Variants in SYNPR observed in about 807,000 individuals in gnomAD.
SYNPR encodes the protein synaptoporin.
SYNPR carries 23 observed loss-of-function variants against 32.9 expected under a neutral mutation model. The ratio of observed to expected loss-of-function variants is 0.70; its 90% CI spans 0.50 to 0.99. The LOEUF (loss-of-function observed/expected upper bound fraction) is 0.99. Among genes scored for constraint, SYNPR ranks in the 50% least tolerant of loss-of-function variants. The probability of loss-of-function intolerance (pLI) is 0.00; values close to 1 mark genes in which losing one functional copy is unlikely to be tolerated. For synonymous variants in SYNPR, 146 were observed against 135.9 expected, an observed-to-expected ratio of 1.07 and a Z score of -0.52; for missense variants, 318 against 349.3, an observed-to-expected ratio of 0.91 and a Z score of 0.71.
intron 2 of SYNPR, among the ~76,000 whole-genome samples, chr3:63,475,187 A>C (rs1313971248): frequency 1.3e-5 from 2 of 152,168 alleles, no homozygotes; most frequent in African/African-American, 4.8e-5. Flanking sequence ...ATCAGGCTGC[A>C]TAGAAGGGGA....
chr3:63,522,924 A>C (rs1701942536), intron 3 of SYNPR, among the ~76,000 whole-genome samples: 2 of 151,854 alleles, frequency 1.3e-5, no homozygotes, highest in Admixed American at 1.3e-4. Flanking sequence ...GAAGTGACAG[A>C]CTCTGTTTTG....
At chr3:63,518,934 C>T (rs776649125) in intron 3 of SYNPR, among the ~76,000 whole-genome samples, 10 of 152,172 alleles carry the variant, frequency 6.6e-5, no homozygotes, top group Non-Finnish European at 1.2e-4. Context: ...CATAAACGTC[C>T]TTCAATACCT....
intron 2 of SYNPR, among the ~76,000 whole-genome samples, chr3:63,370,386 T>C (rs1031551100): frequency 3.3e-5 from 5 of 152,348 alleles, no homozygotes; most frequent in South Asian, 2.1e-4. Flanking sequence ...TTTAATCCTT[T>C]CATTGTTTCT....
intron 2 of SYNPR, among the ~76,000 whole-genome samples, chr3:63,441,268 C>G (rs1334807762): frequency 1.3e-5 from 2 of 152,188 alleles, no homozygotes; most frequent in African/African-American, 2.4e-5. Flanking sequence ...AGTAAATATT[C>G]AAGAAATCTT....
intron 2 of SYNPR, among the ~76,000 whole-genome samples, chr3:63,317,601 CTTTAAG>C (rs2087056825): frequency 1.3e-5 from 2 of 152,040 alleles, no homozygotes; most frequent in East Asian, 3.9e-4. Flanking sequence ...TTTTCCAACC[CTTTAAG>C]TTTATTTGAG....
At chr3:63,385,772 G>A (rs77155890) in intron 2 of SYNPR, among the ~76,000 whole-genome samples, 1,659 of 152,340 alleles carry the variant, frequency 0.011, 34 homozygotes, top group African/African-American at 0.037. Flanking sequence ...TTACATATGT[G>A]AGGAAACACG....
intron 4 of SYNPR, among the ~76,000 whole-genome samples, chr3:63,586,029 A>G (rs572226631): frequency 3.3e-5 from 5 of 152,204 alleles, no homozygotes; most frequent in South Asian, 4.1e-4. Context: ...ACTTCACATG[A>G]TAAGTGGGGA....
At chr3:63,297,150 A>G (rs2086797622) in intron 2 of SYNPR, among the ~76,000 whole-genome samples, 1 of 152,240 alleles carries the variant, frequency 6.6e-6, no homozygotes. Flanking sequence ...GGGACTAGCT[A>G]TTATGCGCTA....
chr3:63,203,959 A>G, the SYNPR span, among the ~76,000 whole-genome samples: 1 of 152,164 alleles, frequency 6.6e-6, no homozygotes, highest in East Asian at 1.9e-4. Context: ...AGATGGCGCC[A>G]TGGCATTCCA....
chr3:63,426,274 A>G (rs1049029420), intron 2 of SYNPR, among the ~76,000 whole-genome samples: 6 of 152,216 alleles, frequency 3.9e-5, no homozygotes, highest in Non-Finnish European at 7.3e-5. Context: ...TAATCATTGT[A>G]CCACAAATTA....
At chr3:63,295,041 T>C (rs947201032) in intron 2 of SYNPR, among the ~76,000 whole-genome samples, 5 of 152,140 alleles carry the variant, frequency 3.3e-5, no homozygotes, top group Non-Finnish European at 5.9e-5. Context: ...TTTTAGACTA[T>C]TAATAAAATA....
rs372588535 is a variant in SYNPR, at chr3:63,283,169, T to G, written c.84+4427T>G. Among the ~76,000 whole-genome samples, 18 of 152,348 alleles carry G rather than the reference T, an allele frequency of 1.2e-4. 2 individuals carry two copies. The highest frequency in any genetic ancestry group is 4.3e-4 in the African/African-American group (18 of 41,580). ...ATAGCTCATATTTTACATTATTTTC[T>G]ATGGATTACCCACATGAACTGGTAT... On this transcript the variant is annotated intron_variant, in intron 2 of 5. Transcript: ENST00000478300.
chr3:63,586,190 C>T (rs1281039361), intron 4 of SYNPR, among the ~76,000 whole-genome samples: 1 of 151,858 alleles, frequency 6.6e-6, no homozygotes, highest in Non-Finnish European at 1.5e-5. Context: ...AATAATGGGT[C>T]TTCAATTCTA....
chr3:63,279,015 G>A (rs376702040), intron 2 of SYNPR, among the ~76,000 whole-genome samples: 1 of 152,164 alleles, frequency 6.6e-6, no homozygotes, highest in Non-Finnish European at 1.5e-5. Flanking sequence ...CGCAGGGGCT[G>A]TGGAAAGAAA....
At chr3:63,442,164 AGT>A (rs34163380) in intron 2 of SYNPR, among the ~76,000 whole-genome samples, 50,269 of 148,152 alleles carry the variant, frequency 0.34, 8,843 homozygotes, top group Non-Finnish European at 0.4. Flanking sequence ...TGGTAGTGAT[AGT>A]GTGTGTGTGT....
intron 2 of SYNPR, among the ~76,000 whole-genome samples, chr3:63,256,847 G>A (rs1050096526): frequency 2.0e-5 from 3 of 152,178 alleles, no homozygotes; most frequent in African/African-American, 7.2e-5. Context: ...TGGCTAACTA[G>A]AATAACCAAT....
At chr3:63,509,945 C>T (rs1163615550) in intron 3 of SYNPR, among the ~76,000 whole-genome samples, 1 of 147,686 alleles carries the variant, frequency 6.8e-6, no homozygotes, top group Non-Finnish European at 1.5e-5. Context: ...CCTTCCCCTC[C>T]TTTCTTTCTT....
At chr3:63,428,509 C>T (rs1354046556) in intron 2 of SYNPR, among the ~76,000 whole-genome samples, 1 of 152,214 alleles carries the variant, frequency 6.6e-6, no homozygotes, top group Non-Finnish European at 1.5e-5. Context: ...TCAACTATTG[C>T]TGCATAATAA....
rs1197477117 is a variant in SYNPR, at chr3:63,615,683, T to A, written c.*202T>A. On this transcript the variant is annotated 3_prime_UTR_variant, in exon 6 of 6. Transcript: ENST00000478300. ...GAGGCGACATGAGGAGATATATTATTCATCATAGATGGCTAATTGGAGAGT... is the reference window on the plus strand; with the variant it reads ...GAGGCGACATGAGGAGATATATTATACATCATAGATGGCTAATTGGAGAGT... 1 of 609,736 alleles carries A rather than the reference T, an allele frequency of 1.6e-6. No homozygotes were observed. The highest frequency in any genetic ancestry group is 2.7e-6 in the Non-Finnish European group (1 of 367,686). The allele number at this position is 609,736 out of a possible 1,614,324, so 37.8% of individuals were successfully genotyped here. A position where few individuals can be genotyped will look rare whatever the true frequency, so the allele number is the denominator to read the frequency against.
Sources: allele counts gnomAD v4.1 joint callset (sites outside exome capture counted in the v4.1 genomes callset), GRCh38; gene constraint gnomAD v4.1.1; transcripts MANE v1.5; gene names NCBI Gene and HGNC (gene_info 2026-07-23, HGNC 2026-07-21).